The following XYLT1 variants were observed in gnomAD, a reference collection of about 807,000 sequenced individuals.
XYLT1 encodes xylosyltransferase 1, also known as beta-D-xylosyltransferase 1.
XYLT1 carries 36 observed loss-of-function variants against 91.3 expected under a neutral mutation model. The ratio of observed to expected loss-of-function variants is 0.39; its 90% confidence interval spans 0.30 to 0.52. The LOEUF (loss-of-function observed/expected upper bound fraction) is 0.52, where lower values mean the gene tolerates loss of function less well. Ranked by LOEUF, XYLT1 falls within the 20% of genes least tolerant of loss-of-function variation. The probability of loss-of-function intolerance (pLI) is 0.68; values close to 1 mark genes in which losing one functional copy is unlikely to be tolerated. For synonymous variants in XYLT1, 588 were observed against 532.0 expected (o/e 1.11, Z -1.45); for missense variants, 1,242 against 1,284.5 (o/e 0.97, Z 0.51).
chr16:17,109,097 C>A, intron 11 of XYLT1, 80 bp from the exon 12 acceptor site: 1 of 1,348,246 alleles, frequency 7.4e-7, no homozygotes, highest in East Asian at 2.4e-5. Flanking sequence ...GTGCCTGGTG[C>A]TGCACTGGGT....
At chr16:17,247,892 C>A (rs1053031643) in intron 3 of XYLT1, among the ~76,000 whole-genome samples, 1 of 152,116 alleles carries the variant, frequency 6.6e-6, no homozygotes, top group African/African-American at 2.4e-5. Flanking sequence ...AACTTGGGGG[C>A]AGGGGTTGCT....
chr16:17,225,175 A>ACTCTCTCT (rs1340850799), intron 3 of XYLT1, among the ~76,000 whole-genome samples: 15 of 88,036 alleles, frequency 1.7e-4, no homozygotes, highest in African/African-American at 6.8e-4. Context: ...ACACACACAC[A>ACTCTCTCT]CACTCTCTCT....
intron 3 of XYLT1, among the ~76,000 whole-genome samples, chr16:17,220,878 G>A (rs551316099): frequency 9.0e-4 from 137 of 152,284 alleles, no homozygotes; most frequent in Non-Finnish European, 1.6e-3. Context: ...CAGAAAGTGC[G>A]CCTTTGCTTG....
At chr16:17,242,671 A>G (rs924587678) in intron 3 of XYLT1, among the ~76,000 whole-genome samples, 2 of 152,220 alleles carry the variant, frequency 1.3e-5, no homozygotes, top group African/African-American at 4.8e-5. Flanking sequence ...TAAGTGCACA[A>G]TAGTGTTAAG....
At chr16:17,309,993 T>C (rs184771784) in intron 2 of XYLT1, among the ~76,000 whole-genome samples, 1 of 152,264 alleles carries the variant, frequency 6.6e-6, no homozygotes, top group East Asian at 1.9e-4. Flanking sequence ...CAGCTCAATT[T>C]GGAGGCTGGG....
chr16:17,451,943 T>C (rs1247946452), intron 1 of XYLT1, among the ~76,000 whole-genome samples: 3 of 152,224 alleles, frequency 2.0e-5, no homozygotes, highest in East Asian at 3.9e-4. Flanking sequence ...TGAGAGGAAA[T>C]TGATCAGCAG....
rs148216105 is a variant in XYLT1 at position 17,221,062 on chromosome 16, C to T, written c.914-20408G>A. Reference sequence around the variant, plus strand: ...TCCTTGGCCATGTTTTCCACCCTTACGGCTTCATGGTGGCAACAACATTTC... The same window carrying T: ...TCCTTGGCCATGTTTTCCACCCTTATGGCTTCATGGTGGCAACAACATTTC... On this transcript the variant is annotated intron_variant, in intron 3 of 11. Transcript: ENST00000261381. 1.5e-4 allele frequency among the ~76,000 whole-genome samples: 23 copies of T among 152,308 alleles called. No individual in the cohort carries two copies. The East Asian group carries it at 4.1e-3, about 27-fold the overall frequency.
intron 1 of XYLT1, among the ~76,000 whole-genome samples, chr16:17,443,702 T>C (rs956140992): frequency 6.6e-6 from 1 of 152,210 alleles, no homozygotes; most frequent in African/African-American, 2.4e-5. Context: ...AACGTAGTGA[T>C]ACAACTAATC....
Position 17,248,745 on chromosome 16 carries a change from A to ATT in XYLT1, c.913+10241_913+10242dup, listed in dbSNP as rs1045404682. ...ATTGCTGTTGCAATTTTACATGTGA[A>ATT]TTTTTTTTTTTTTTTTTTTTGAGAT... On this transcript the variant is annotated intron_variant, in intron 3 of 11. Coordinates refer to ENST00000261381, the MANE Select transcript of XYLT1 (RefSeq NM_022166.4). Among the ~76,000 whole-genome samples the ATT allele has an allele frequency of 9.6e-3, 1,223 of 126,974 alleles. 49 individuals are homozygous for ATT. Among genetic ancestry groups the ATT allele is most frequent in the South Asian group, 0.068 (259 of 3,812 alleles). 83.3% of individuals were successfully genotyped at this position (126,974 alleles called of 152,430 possible). A position where few individuals can be genotyped will look rare whatever the true frequency, so the allele number is the denominator to read the frequency against.
At position 17,108,535 on chromosome 16, in the gene XYLT1, G is replaced by C. The variant is rs1966809603; in HGVS notation, c.*160C>G. The stretch of plus-strand genomic sequence containing the variant: ...CAAAGGCAGGTTGTTGGCTGATCCT[G>C]CTTTGACCTGCTGACCTTCCCTTTC... On this transcript the variant is annotated 3_prime_UTR_variant, in exon 12 of 12. Transcript: ENST00000261381. 1.4e-6 allele frequency: 1 copy of C among 731,838 alleles called. No homozygotes were observed. The highest frequency in any genetic ancestry group is 2.8e-5 in the East Asian group (1 of 35,438). The allele number at this position is 731,838 out of a possible 1,614,324, so 45.3% of individuals were successfully genotyped here.
intron 3 of XYLT1, among the ~76,000 whole-genome samples, chr16:17,256,647 T>TC (rs2033636314): frequency 7.4e-6 from 1 of 134,938 alleles, no homozygotes; most frequent in Admixed American, 7.8e-5. Flanking sequence ...AGACTCCGTC[T>TC]CGAAAAAAAA....
At chr16:17,374,131 G>A (rs1272429637) in intron 1 of XYLT1, among the ~76,000 whole-genome samples, 2 of 152,242 alleles carry the variant, frequency 1.3e-5, no homozygotes, top group Non-Finnish European at 2.9e-5. Context: ...AGGTAGAGGA[G>A]AGGACAAGCA....
chr16:17,158,817 T>G lies in XYLT1; in HGVS notation c.1370+12A>C. 1 of 1,613,814 alleles carries G rather than the reference T, an allele frequency of 6.2e-7. No individual in the cohort carries two copies. Among genetic ancestry groups the G allele is most frequent in the Non-Finnish European group, 8.5e-7 (1 of 1,179,786 alleles). On this transcript the variant is annotated intron_variant, in intron 6 of 11. Coordinates refer to ENST00000261381, the MANE Select transcript of XYLT1 (RefSeq NM_022166.4). ...TTTCCATTTTGTACAGGGGTAGGGG[T>G]TGAGGTGCTACCTTGCATTGTCCCG...
At chr16:17,367,003 G>A (rs1306636782) in intron 1 of XYLT1, among the ~76,000 whole-genome samples, 1 of 151,928 alleles carries the variant, frequency 6.6e-6, no homozygotes, top group Non-Finnish European at 1.5e-5. Flanking sequence ...CCTCATACTA[G>A]ATGTTCTCAT....
At chr16:17,121,671 T>A (rs1036466380) in intron 10 of XYLT1, among the ~76,000 whole-genome samples, 1 of 152,150 alleles carries the variant, frequency 6.6e-6, no homozygotes, top group Non-Finnish European at 1.5e-5. Flanking sequence ...TCTGAGATTT[T>A]GGTGCACCCA....
intron 1 of XYLT1, among the ~76,000 whole-genome samples, chr16:17,461,703 C>T (rs1044923474): frequency 2.0e-5 from 3 of 151,968 alleles, no homozygotes; most frequent in Non-Finnish European, 1.5e-5. Context: ...TAGATGGAGG[C>T]AGGGGGAGAA....
At chr16:17,257,829 C>G (rs1370627322) in intron 3 of XYLT1, among the ~76,000 whole-genome samples, 1 of 152,236 alleles carries the variant, frequency 6.6e-6, no homozygotes, top group Admixed American at 6.5e-5. Flanking sequence ...AACAAATTGA[C>G]TGCACAGAGC....
intron 5 of XYLT1, among the ~76,000 whole-genome samples, chr16:17,162,623 G>GA (rs1166286029): frequency 7.2e-5 from 11 of 152,036 alleles, no homozygotes; most frequent in Non-Finnish European, 1.0e-4. Flanking sequence ...AAGTGCAGAA[G>GA]AAAAAAAATA....
intron 2 of XYLT1, among the ~76,000 whole-genome samples, chr16:17,283,792 A>C (rs1337399311): frequency 6.6e-6 from 1 of 152,280 alleles, no homozygotes; most frequent in East Asian, 1.9e-4. Flanking sequence ...CCCCATCACT[A>C]TTATCACATA....
Sources: allele counts gnomAD v4.1 joint callset (sites outside exome capture counted in the v4.1 genomes callset), GRCh38; gene constraint gnomAD v4.1.1; transcripts MANE v1.5; gene names NCBI Gene and HGNC (gene_info 2026-07-23, HGNC 2026-07-21).